Variants in TRDN observed in about 807,000 individuals in gnomAD.
TRDN encodes triadin.
In TRDN, 161 loss-of-function variants were observed where a neutral mutation model predicts 149.7. The ratio of observed to expected loss-of-function variants is 1.08; its 90% CI spans 0.95 to 1.23. The LOEUF (loss-of-function observed/expected upper bound fraction) is 1.23, where lower values mean the gene tolerates loss of function less well. Ranked by LOEUF, TRDN falls within the 50% of genes most tolerant of loss-of-function variation. The pLI is 0.00. For missense variants in TRDN, 896 were observed against 823.5 expected (o/e 1.09, Z -1.08); for synonymous variants, 294 against 250.5 (o/e 1.17, Z -1.64).
At chr6:123,411,502 G>A (rs1218606445) in intron 12 of TRDN, among the ~76,000 whole-genome samples, 1 of 152,070 alleles carries the variant, frequency 6.6e-6, no homozygotes, top group Non-Finnish European at 1.5e-5. Context: ...ATTTCTGGGG[G>A]AAATCCAAAA....
chr6:123,492,487 G>A (rs1440546463), intron 9 of TRDN, among the ~76,000 whole-genome samples: 1 of 152,046 alleles, frequency 6.6e-6, no homozygotes, highest in East Asian at 1.9e-4. Context: ...GGGTGACTCT[G>A]CCCAGAAACC....
intron 38 of TRDN, among the ~76,000 whole-genome samples, chr6:123,243,637 C>G (rs895274045): frequency 6.6e-6 from 1 of 151,878 alleles, no homozygotes; most frequent in Non-Finnish European, 1.5e-5. Context: ...TGATAAAATA[C>G]AAAACACATT....
Position 123,512,284 on chromosome 6 carries a change from T to C in TRDN, c.610+19A>G, listed in dbSNP as rs1482036297. 9 of 1,333,408 alleles carry C rather than the reference T, an allele frequency of 6.7e-6. No individual in the cohort carries two copies. The African/African-American group carries it at 1.2e-4, about 17-fold the overall frequency. The allele number at this position is 1,333,408 out of a possible 1,614,324, so 82.6% of individuals were successfully genotyped here. On this transcript the variant is annotated intron_variant, in intron 7 of 40. Coordinates refer to ENST00000334268, the MANE Select transcript of TRDN (RefSeq NM_006073.4). ...AGTAAAAAGAATTTAGTTATGGAAA[T>C]AATAAATTGAAAAGTTACCTTTCGC...
chr6:123,371,674 G>C (rs950624675), intron 19 of TRDN, among the ~76,000 whole-genome samples: 1 of 152,024 alleles, frequency 6.6e-6, no homozygotes, highest in Non-Finnish European at 1.5e-5. Flanking sequence ...AGCTCTTTGT[G>C]TCAACCTTGA....
intron 5 of TRDN, among the ~76,000 whole-genome samples, chr6:123,521,524 G>T (rs183952056): frequency 2.0e-5 from 3 of 152,142 alleles, no homozygotes; most frequent in Admixed American, 2.0e-4. Flanking sequence ...CCAGGAGAGA[G>T]GCATGGAACA....
chr6:123,370,655 C>T (rs1403079557), intron 19 of TRDN, among the ~76,000 whole-genome samples: 1 of 152,116 alleles, frequency 6.6e-6, no homozygotes, highest in Admixed American at 6.6e-5. Flanking sequence ...CTAAATTCTG[C>T]ATTCACATCA....
intron 23 of TRDN, among the ~76,000 whole-genome samples, chr6:123,329,927 A>G (rs1251212878): frequency 9.9e-5 from 15 of 152,050 alleles, no homozygotes. Flanking sequence ...AAATGGTACA[A>G]TGAAGTAAAA....
chr6:123,371,426 A>G (rs1410346864), intron 19 of TRDN, among the ~76,000 whole-genome samples: 1 of 152,140 alleles, frequency 6.6e-6, no homozygotes, highest in South Asian at 2.1e-4. Context: ...ATCTACACCA[A>G]TACCATTCTA....
rs1283894459 is a variant in TRDN at position 123,351,709 on chromosome 6, C to A, written c.1369+830G>T. 4 of 928,288 alleles carry A rather than the reference C, an allele frequency of 4.3e-6. No homozygotes were observed. In the South Asian group the frequency reaches 2.0e-4, roughly 46 times the overall value. 57.5% of individuals were successfully genotyped at this position (928,288 alleles called of 1,614,324 possible). On this transcript the variant is annotated intron_variant, in intron 21 of 40. Transcript: ENST00000334268. ...TAACTTCTGATATTAGGATTTCATA[C>A]ATTTAATTGCATCTCAAATTTGAAG... is the stretch of plus-strand genomic sequence containing the variant.
Position 123,301,774 on chromosome 6 carries a change from T to TAC in TRDN, c.1510+14682_1510+14683insGT, listed in dbSNP as rs1562252315. 2.9e-5 allele frequency among the ~76,000 whole-genome samples: 4 copies of TAC among 138,662 alleles called. No homozygotes were observed. The East Asian group carries it at 8.1e-4, about 28-fold the overall frequency. The allele number at this position is 138,662 out of a possible 152,430, so 91.0% of individuals were successfully genotyped here. A position where few individuals can be genotyped will look rare whatever the true frequency, so the allele number is the denominator to read the frequency against. On this transcript the variant is annotated intron_variant, in intron 24 of 40. Coordinates refer to ENST00000334268, the MANE Select transcript of TRDN (RefSeq NM_006073.4). ...ATACATATATATATATATATACATA[T>TAC]ATATATATATATACATAAATGAAAA...
At chr6:123,635,323 A>AACACACACACACAC (rs141018949) in intron 1 of TRDN, among the ~76,000 whole-genome samples, 2,138 of 147,230 alleles carry the variant, frequency 0.015, 22 homozygotes, top group Non-Finnish European at 0.02. Context: ...CAGAAAAGAA[A>AACACACACACACAC]ACACACACAC....
intron 12 of TRDN, among the ~76,000 whole-genome samples, chr6:123,404,839 G>C (rs190747412): frequency 6.6e-6 from 1 of 152,184 alleles, no homozygotes; most frequent in Non-Finnish European, 1.5e-5. Flanking sequence ...TAAATAAATG[G>C]GCTTCTCAAT....
chr6:123,254,135 A>C (rs1188790321), intron 37 of TRDN, among the ~76,000 whole-genome samples: 1 of 152,112 alleles, frequency 6.6e-6, no homozygotes, highest in Non-Finnish European at 1.5e-5. Context: ...TTTCTAATTA[A>C]TTTATTTTTT....
chr6:123,246,302 G>GT (rs1338414991), intron 38 of TRDN, among the ~76,000 whole-genome samples: 2 of 151,906 alleles, frequency 1.3e-5, no homozygotes, highest in Non-Finnish European at 2.9e-5. Flanking sequence ...TCTAGGAGCT[G>GT]TTTTTTGAAA....
intron 20 of TRDN, among the ~76,000 whole-genome samples, chr6:123,359,833 T>C (rs996153313): frequency 3.9e-5 from 6 of 151,998 alleles, no homozygotes; most frequent in South Asian, 2.1e-4. Context: ...GTAGCTGGGA[T>C]TACAGGCACC....
chr6:123,374,831 A>G (rs1467070229), intron 19 of TRDN, among the ~76,000 whole-genome samples: 3 of 152,006 alleles, frequency 2.0e-5, no homozygotes, highest in African/African-American at 4.8e-5. Flanking sequence ...ACTAAATAAC[A>G]GGCATTTGTT....
At position 123,224,091 on chromosome 6, in the gene TRDN, A is replaced by G; in HGVS notation, c.2014+2T>C. The G allele has an allele frequency of 6.2e-7, 1 of 1,610,182 alleles. No homozygotes were observed. Among genetic ancestry groups the G allele is most frequent in the Non-Finnish European group, 8.5e-7 (1 of 1,177,734 alleles). Reference sequence around the variant, plus strand: ...TAAATGATCCAAAGACAGCAAACTCACCTTTAGCTTTCTTTGAAGCTGGTA... The same window carrying G: ...TAAATGATCCAAAGACAGCAAACTCGCCTTTAGCTTTCTTTGAAGCTGGTA... On this transcript the variant is annotated splice_donor_variant, in intron 39 of 40. Coordinates refer to ENST00000334268, the MANE Select transcript of TRDN (RefSeq NM_006073.4). LOFTEE classifies it high-confidence loss of function.
chr6:123,342,125 T>G (rs947512836), intron 21 of TRDN, among the ~76,000 whole-genome samples: 1 of 151,940 alleles, frequency 6.6e-6, no homozygotes, highest in African/African-American at 2.4e-5. Flanking sequence ...TTATGCGCCT[T>G]AATAATCTGA....
intron 12 of TRDN, among the ~76,000 whole-genome samples, chr6:123,396,553 G>C (rs1772741161): frequency 6.6e-6 from 1 of 152,146 alleles, no homozygotes; most frequent in South Asian, 2.1e-4. Flanking sequence ...AGACAGGATG[G>C]ACCTAGATTA....
Sources: allele counts gnomAD v4.1 joint callset (sites outside exome capture counted in the v4.1 genomes callset), GRCh38; gene constraint gnomAD v4.1.1; transcripts MANE v1.5; gene names NCBI Gene and HGNC (gene_info 2026-07-23, HGNC 2026-07-21).